PCM1: variants seen among roughly 807,000 people sequenced by gnomAD.
PCM1 encodes pericentriolar material 1.
Under a neutral mutation model 241.9 loss-of-function variants are expected in PCM1, and 157 were observed. The ratio of observed to expected loss-of-function variants is 0.65; its 90% confidence interval spans 0.57 to 0.74. The LOEUF (loss-of-function observed/expected upper bound fraction) is 0.74. Among genes scored for constraint, PCM1 ranks in the 30% least tolerant of loss-of-function variants. The probability of loss-of-function intolerance (pLI) is 0.00; values close to 1 mark genes in which losing one functional copy is unlikely to be tolerated. For synonymous variants in PCM1, 1,085 were observed against 784.9 expected, an observed-to-expected ratio of 1.38 and a Z score of -6.39; for missense variants, 3,478 against 2,360.1, an observed-to-expected ratio of 1.47 and a Z score of -9.81.
intron 5 of PCM1, among the ~76,000 whole-genome samples, chr8:17,939,334 C>G (rs923016162): frequency 6.6e-6 from 1 of 152,094 alleles, no homozygotes; most frequent in East Asian, 1.9e-4. Flanking sequence ...GGCAAATATT[C>G]TTTTGAAAAG....
chr8:18,014,018 C>G lies in PCM1; in HGVS notation c.5566C>G (p.Arg1856Gly). 1 of 1,590,954 alleles carries G rather than the reference C, an allele frequency of 6.3e-7. No individual in the cohort carries two copies. Among genetic ancestry groups the G allele is most frequent in the Non-Finnish European group, 8.6e-7 (1 of 1,166,736 alleles). ...AGAAAGCAAAAATGTCCCATTGGAA[C>G]GAGAAGCCACTAGTAAAAGTAAGAA... ...TAESKNVPLE[R>G]EATSKNDQNN... The change falls in exon 35 of 39, where the codon CGA becomes GGA. Residue 1856 changes from arginine to glycine, a missense_variant. Arg to Gly is a moderately radical substitution (Grantham distance 125, BLOSUM62 -2). Transcript: ENST00000325083.
Position 17,955,586 on chromosome 8 carries a change from A to T in PCM1, c.1405A>T (p.Thr469Ser), listed in dbSNP as rs775038094. Residue 469 changes from threonine (T) to serine (S), a missense_variant, in exon 10 of 39, where the codon ACT (threonine) becomes TCT (serine). Transcript: ENST00000325083. ...CCTCACATCATCTGTTCCTTATCCT[A>T]CTGCTTCTCTAGTATCTCAGAATGA... ...NSLTSSVPYPTASLVSQNESE... is the reference protein window; with the variant it reads ...NSLTSSVPYPSASLVSQNESE... The T allele has an allele frequency of 1.2e-6, 2 of 1,613,576 alleles. No individual in the cohort carries two copies. Among genetic ancestry groups the T allele is most frequent in the Admixed American group, 1.7e-5 (1 of 59,998 alleles).
At chr8:17,965,600 G>T (rs1344194173) in intron 18 of PCM1, among the ~76,000 whole-genome samples, 2 of 152,200 alleles carry the variant, frequency 1.3e-5, no homozygotes, top group South Asian at 4.1e-4. Flanking sequence ...TTATTACATT[G>T]TTACTAATAA....
chr8:18,023,492 C>A (rs2093924192), intron 36 of PCM1, among the ~76,000 whole-genome samples: 1 of 152,192 alleles, frequency 6.6e-6, no homozygotes, highest in Non-Finnish European at 1.5e-5. Context: ...TGAGATGAGT[C>A]ATTTGGTCTC....
chr8:17,926,635 G>T (rs953164247), intron 2 of PCM1: 1 of 152,128 alleles, frequency 6.6e-6, no homozygotes, highest in African/African-American at 2.4e-5. Context: ...GAATTGAGTC[G>T]ACACAGTACG....
At chr8:17,959,712 A>G (rs1209394004) in intron 13 of PCM1, among the ~76,000 whole-genome samples, 1 of 152,052 alleles carries the variant, frequency 6.6e-6, no homozygotes, top group Non-Finnish European at 1.5e-5. Context: ...TCGTTTCTCC[A>G]CACCCTTGAT....
In PCM1 at chr8:18,011,374, T is replaced by C; in HGVS notation, c.5350+8T>C. The stretch of plus-strand genomic sequence containing the variant: ...GATGTCCAGTGTCTATTAGTAAGTT[T>C]AAAGGCTCTGTACTATCTTTATACT... On this transcript the variant is annotated splice_region_variant and intron_variant, in intron 33 of 38. Coordinates refer to ENST00000325083, the MANE Select transcript of PCM1 (RefSeq NM_006197.4). 1 of 1,573,532 alleles carries C rather than the reference T, an allele frequency of 6.4e-7. No individual in the cohort carries two copies. The highest frequency in any genetic ancestry group is 8.6e-7 in the Non-Finnish European group (1 of 1,165,576).
intron 2 of PCM1, among the ~76,000 whole-genome samples, chr8:17,932,590 A>G (rs1009514673): frequency 2.6e-5 from 4 of 151,990 alleles, no homozygotes; most frequent in African/African-American, 4.8e-5. Context: ...AATTCTCTGT[A>G]TAACAAAGGT....
rs992866862 is a variant in PCM1, at chr8:17,955,061, A to G, written c.1289-409A>G. Among the ~76,000 whole-genome samples, 46 of 152,160 alleles carry G rather than the reference A, an allele frequency of 3.0e-4. 1 individual carries two copies. The highest frequency in any genetic ancestry group is 8.8e-5 in the Non-Finnish European group (6 of 68,030). ...AAAGATTACAGATTGAGTACTGCAC[A>G]TGATTCATAGTGGCCCTGTTTAACT... On this transcript the variant is annotated intron_variant, in intron 9 of 38. Coordinates refer to ENST00000325083, the MANE Select transcript of PCM1 (RefSeq NM_006197.4).
chr8:17,969,719 C>A lies in PCM1; in HGVS notation c.3555C>A (p.Ser1185Arg). Residue 1185 changes from serine (S) to arginine (R), a missense_variant, in exon 22 of 39, where the codon AGC (serine) becomes AGA (arginine). Physicochemically the swap from Ser to Arg is moderately radical, Grantham distance 110. Transcript: ENST00000325083. ...EYMAFPKPFE[S>R]SSSIGAEKPR... is the part of the protein sequence containing the mutation. ...TGGCTTTTCCAAAACCTTTTGAAAG[C>A]AGTTCCTCTATTGGAGCAGAGAAAC... The A allele has an allele frequency of 1.2e-6, 2 of 1,606,980 alleles. No individual in the cohort carries two copies. The highest frequency in any genetic ancestry group is 1.7e-6 in the Non-Finnish European group (2 of 1,177,690).
rs372669913 is a variant in PCM1, at chr8:17,953,018, A to G, written c.1120A>G (p.Thr374Ala). 4.6e-5 allele frequency: 74 copies of G among 1,608,694 alleles called. No homozygotes were observed. The highest frequency in any genetic ancestry group is 6.0e-5 in the Non-Finnish European group (71 of 1,177,392). ...NRRQAESLSL[T>A]REVSQSRKPS... is the part of the protein sequence containing the mutation. ...AAGACAGGCAGAAAGTCTTTCATTA[A>G]CTAGGGAGGTTTCCCAGAGCAGGAA... The change falls in exon 9 of 39, where the codon ACT (threonine) becomes GCT (alanine). Residue 374 changes from threonine (T) to alanine (A), a missense_variant. Coordinates refer to ENST00000325083, the MANE Select transcript of PCM1 (RefSeq NM_006197.4).
At chr8:17,972,301 C>G (rs2077122852) in intron 22 of PCM1, 28 bp from the exon 23 acceptor site, 1 of 1,319,266 alleles carries the variant, frequency 7.6e-7, no homozygotes. Context: ...TAGTTGTTAA[C>G]TTATAAAAAC....
At chr8:17,935,870 A>T (rs1053324284) in intron 3 of PCM1, among the ~76,000 whole-genome samples, 164 bp downstream of exon 3, 1 of 152,220 alleles carries the variant, frequency 6.6e-6, no homozygotes, top group Non-Finnish European at 1.5e-5. Flanking sequence ...CACAAATCAA[A>T]TTGAGTTTTT....
At chr8:17,959,043 A>G (rs963348731) in intron 13 of PCM1, among the ~76,000 whole-genome samples, 11 of 152,114 alleles carry the variant, frequency 7.2e-5, no homozygotes, top group Admixed American at 7.2e-4. Flanking sequence ...CTTTACCTCC[A>G]TTAATAATCC....
intron 29 of PCM1, among the ~76,000 whole-genome samples, chr8:18,005,066 T>C (rs993449297): frequency 6.6e-6 from 1 of 152,192 alleles, no homozygotes; most frequent in African/African-American, 2.4e-5. Flanking sequence ...TAAAATACTT[T>C]CACTCTTTTC....
At chr8:17,924,287 G>A (rs2055954429) in intron 1 of PCM1, among the ~76,000 whole-genome samples, 1 of 152,236 alleles carries the variant, frequency 6.6e-6, no homozygotes, top group Non-Finnish European at 1.5e-5. Flanking sequence ...TTTATGTAGT[G>A]ACGAGGTTAT....
intron 36 of PCM1, among the ~76,000 whole-genome samples, chr8:18,021,191 G>C (rs904210016): frequency 2.0e-5 from 3 of 152,176 alleles, no homozygotes; most frequent in Non-Finnish European, 2.9e-5. Context: ...TGAAGGCCCA[G>C]ACAGCCAGCT....
chr8:18,018,850 GTGTATATATA>G lies in PCM1; in HGVS notation c.5841+4012_5841+4021del, dbSNP rs1323151656. On this transcript the variant is annotated intron_variant, in intron 36 of 38. Transcript: ENST00000325083. ...TGTATATATATATATGTGTGTGTGT[GTGTATATATA>G]TATATATATATATATATATACACAC... Among the ~76,000 whole-genome samples the G allele has an allele frequency of 3.0e-4, 12 of 39,382 alleles. No individual in the cohort carries two copies. In the South Asian group the frequency reaches 6.5e-3, roughly 21 times the overall value. The allele number at this position is 39,382 out of a possible 152,430, so 25.8% of individuals were successfully genotyped here. A position where few individuals can be genotyped will look rare whatever the true frequency, so the allele number is the denominator to read the frequency against.
At chr8:18,012,197 T>C (rs2092617110) in intron 34 of PCM1, among the ~76,000 whole-genome samples, 1 of 152,186 alleles carries the variant, frequency 6.6e-6, no homozygotes, top group African/African-American at 2.4e-5. Flanking sequence ...CTGTTTTTAG[T>C]GGTGTGATTA....
Sources: gnomAD v4.1 joint callset for allele counts (sites outside exome capture counted in the v4.1 genomes callset) on GRCh38, gnomAD v4.1.1 for gene constraint, MANE v1.5 for transcripts, NCBI Gene and HGNC (gene_info 2026-07-23, HGNC 2026-07-21) for gene names.